Variants in ULK4 observed in about 807,000 individuals in gnomAD.
ULK4 encodes unc-51 like kinase 4, also known as inactive serine/threonine-protein kinase ULK4.
ULK4 carries 133 observed loss-of-function variants against 160.6 expected under a neutral mutation model. The observed-to-expected ratio is 0.83, with a 90% confidence interval of 0.72 to 0.96. The LOEUF (loss-of-function observed/expected upper bound fraction) is 0.96. Ranked by LOEUF, ULK4 falls within the 40% of genes least tolerant of loss-of-function variation. The probability of loss-of-function intolerance (pLI) is 0.00; values close to 1 mark genes in which losing one functional copy is unlikely to be tolerated. For synonymous variants in ULK4, 534 were observed against 539.8 expected, an observed-to-expected ratio of 0.99 and a Z score of 0.15; for missense variants, 1,580 against 1,499.5, an observed-to-expected ratio of 1.05 and a Z score of -0.89.
intron 12 of ULK4, among the ~76,000 whole-genome samples, chr3:41,905,635 T>G (rs1698526480): frequency 6.6e-6 from 1 of 152,054 alleles, no homozygotes; most frequent in Non-Finnish European, 1.5e-5. Flanking sequence ...AATAAAGAGA[T>G]AAATAACCCA....
At chr3:41,946,104 G>C (rs958332523) in intron 2 of ULK4, among the ~76,000 whole-genome samples, 1 of 151,966 alleles carries the variant, frequency 6.6e-6, no homozygotes, top group African/African-American at 2.4e-5. Context: ...TTACATGGGT[G>C]TATTTATTTT....
intron 35 of ULK4, among the ~76,000 whole-genome samples, chr3:41,352,199 G>A (rs2080924981): frequency 6.6e-6 from 1 of 152,130 alleles, no homozygotes; most frequent in South Asian, 2.1e-4. Flanking sequence ...CTCTGACTTG[G>A]CTCCTGGTTA....
At chr3:41,506,771 T>TAAAAAAA (rs2085399581) in intron 32 of ULK4, among the ~76,000 whole-genome samples, 1 of 26,336 alleles carries the variant, frequency 3.8e-5, no homozygotes, top group Admixed American at 6.3e-4. Flanking sequence ...ATTTAAAATA[T>TAAAAAAA]ATATATATAT....
At chr3:41,491,124 C>T (rs2084743237) in intron 32 of ULK4, among the ~76,000 whole-genome samples, 1 of 152,108 alleles carries the variant, frequency 6.6e-6, no homozygotes, top group African/African-American at 2.4e-5. Flanking sequence ...ACTTAAAACA[C>T]TATTGAGGGA....
In ULK4 at chr3:41,511,162, C is replaced by CAAAA. The variant is rs57133226; in HGVS notation, c.3227-47913_3227-47910dup. ...TGGGCGACAGAGCGAGACTCCGTCT[C>CAAAA]AAAAAAAAAAAAAAAAAAAAAAGTC... On this transcript the variant is annotated intron_variant, in intron 32 of 36. Coordinates refer to ENST00000301831, the MANE Select transcript of ULK4 (RefSeq NM_017886.4). 1.1e-3 allele frequency among the ~76,000 whole-genome samples: 108 copies of CAAAA among 97,556 alleles called. 1 individual carries two copies. Among genetic ancestry groups the CAAAA allele is most frequent in the East Asian group, 7.9e-3 (27 of 3,412 alleles). 64.0% of individuals were successfully genotyped at this position (97,556 alleles called of 152,430 possible).
At chr3:41,946,892 G>T (rs1396260349) in intron 2 of ULK4, among the ~76,000 whole-genome samples, 15 of 152,082 alleles carry the variant, frequency 9.9e-5, no homozygotes, top group Admixed American at 9.8e-4. Context: ...GCCCTACTGT[G>T]GTCTTTGAAA....
chr3:41,898,289 G>T, intron 14 of ULK4, 143 bp downstream of exon 14: 1 of 548,982 alleles, frequency 1.8e-6, no homozygotes. Flanking sequence ...TTTACAATTC[G>T]TGTAACACTG....
intron 27 of ULK4, among the ~76,000 whole-genome samples, chr3:41,704,149 C>T (rs2036783105): frequency 6.6e-6 from 1 of 152,142 alleles, no homozygotes; most frequent in African/African-American, 2.4e-5. Context: ...TCACATCAAA[C>T]TCTCTGCTGG....
intron 16 of ULK4, 22 bp from the exon 17 acceptor site, chr3:41,883,974 G>C: frequency 6.4e-7 from 1 of 1,560,328 alleles, no homozygotes; most frequent in Non-Finnish European, 8.8e-7. Context: ...GAGAAAACAG[G>C]CTCTGAAAAG....
chr3:41,718,912 A>G (rs1243698012), intron 22 of ULK4, among the ~76,000 whole-genome samples: 1 of 152,198 alleles, frequency 6.6e-6, no homozygotes, highest in East Asian at 1.9e-4. Context: ...CCAAATCAGG[A>G]AGTTAGCCTT....
At chr3:41,642,126 G>A (rs1022958647) in intron 30 of ULK4, among the ~76,000 whole-genome samples, 1 of 151,988 alleles carries the variant, frequency 6.6e-6, no homozygotes, top group African/African-American at 2.4e-5. Flanking sequence ...CGCCTGCCTA[G>A]GTCTCCCAAA....
rs146941386 is a variant in ULK4, at chr3:41,811,084, G to A, written c.1848+8339C>T. On this transcript the variant is annotated intron_variant, in intron 19 of 36. Transcript: ENST00000301831. ...TTTTTTTTTGTAGTGATGGAGTCTC[G>A]CTATGTTGCCCAGGCTGGTCTCGAA... is the stretch of plus-strand genomic sequence containing the variant. 1.5e-4 allele frequency among the ~76,000 whole-genome samples: 23 copies of A among 151,800 alleles called. No individual in the cohort carries two copies. The East Asian group carries it at 3.7e-3, about 24-fold the overall frequency.
intron 17 of ULK4, among the ~76,000 whole-genome samples, chr3:41,846,768 G>GCA: frequency 6.9e-6 from 1 of 143,952 alleles, no homozygotes; most frequent in East Asian, 2.0e-4. Flanking sequence ...TCATGCCACT[G>GCA]CACTCCAGCC....
intron 32 of ULK4, among the ~76,000 whole-genome samples, chr3:41,521,059 G>C (rs1443950748): frequency 6.6e-6 from 1 of 152,148 alleles, no homozygotes; most frequent in Non-Finnish European, 1.5e-5. Flanking sequence ...TGATGCAGAT[G>C]ATTCTAAGAC....
At chr3:41,784,869 A>C (rs1013595289) in intron 21 of ULK4, among the ~76,000 whole-genome samples, 1 of 152,242 alleles carries the variant, frequency 6.6e-6, no homozygotes, top group Non-Finnish European at 1.5e-5. Context: ...TACAGTTACA[A>C]ATTTCAAATG....
intron 5 of ULK4, among the ~76,000 whole-genome samples, chr3:41,931,263 T>C (rs1014483563): frequency 7.9e-5 from 12 of 151,892 alleles, no homozygotes; most frequent in African/African-American, 2.4e-4. Context: ...TTCTCACTCG[T>C]AAGTGGGAGT....
intron 18 of ULK4, among the ~76,000 whole-genome samples, chr3:41,819,798 G>A (rs531592890): frequency 6.6e-6 from 1 of 152,204 alleles, no homozygotes. Context: ...AATATGATCT[G>A]ACAGATAAAT....
At chr3:41,688,590 C>T in intron 27 of ULK4, among the ~76,000 whole-genome samples, 1 of 151,922 alleles carries the variant, frequency 6.6e-6, no homozygotes, top group South Asian at 2.1e-4. Flanking sequence ...TACAGAATGT[C>T]AATTTCTTTA....
chr3:41,670,298 T>C (rs1218637810), intron 29 of ULK4, among the ~76,000 whole-genome samples: 1 of 152,154 alleles, frequency 6.6e-6, no homozygotes. Context: ...CTTTTTGGCA[T>C]TTTCTGCACA....
Sources: gnomAD v4.1 joint callset for allele counts (sites outside exome capture counted in the v4.1 genomes callset) on GRCh38, gnomAD v4.1.1 for gene constraint, MANE v1.5 for transcripts, NCBI Gene and HGNC (gene_info 2026-07-23, HGNC 2026-07-21) for gene names.